Variants in ZFPM1 observed in about 807,000 individuals in gnomAD.
The protein encoded by ZFPM1 is zinc finger protein ZFPM1.
A neutral mutation model predicts 46.3 loss-of-function variants in ZFPM1; 28 were observed. The observed-to-expected ratio is 0.60, with a 90% CI of 0.45 to 0.83. The LOEUF (loss-of-function observed/expected upper bound fraction) is 0.83. ZFPM1 is among the 40% of genes least tolerant of loss of function. The pLI, the probability that ZFPM1 is intolerant of heterozygous loss-of-function variation, is 0.00. For synonymous variants in ZFPM1, 957 were observed against 675.9 expected (o/e 1.42, Z -6.45); for missense variants, 1,878 against 1,432.4 (o/e 1.31, Z -5.02).
intron 2 of ZFPM1, among the ~76,000 whole-genome samples, 154 bp downstream of exon 2, chr16:88,486,197 C>T (rs1049920360): frequency 1.1e-4 from 17 of 152,200 alleles, no homozygotes; most frequent in East Asian, 3.9e-4. Context: ...GCCTGTTGCC[C>T]GGAGGCCCTC....
chr16:88,461,183 C>CGGGAGGCCTGGTGAGGACCCAGGGAT (rs1907856948), intron 1 of ZFPM1, among the ~76,000 whole-genome samples: 1 of 34,724 alleles, frequency 2.9e-5, no homozygotes, highest in Non-Finnish European at 4.9e-5. Context: ...GACCGAGGGG[C>CGGGAGGCCTGGTGAGGACCCAGGGAT]GGGGCGGGAG....
chr16:88,467,370 C>G (rs1303690154), intron 1 of ZFPM1, among the ~76,000 whole-genome samples: 1 of 152,220 alleles, frequency 6.6e-6, no homozygotes, highest in Non-Finnish European at 1.5e-5. Flanking sequence ...GCTAAGCCTG[C>G]CCTGCAGGCC....
Position 88,526,893 on chromosome 16 carries a change from C to G in ZFPM1, c.482C>G (p.Ala161Gly). ...TLPQALTEAE[A>G]NTEIHRKDDA... ...CCCCAGGCCCTGACTGAGGCCGAGG[C>G]CAACACAGAGATCCACAGGAAGGGT... The change falls in exon 5 of 10, where the codon GCC becomes GGC. Residue 161 changes from alanine to glycine, a missense_variant. Transcript: ENST00000319555. 1 of 1,578,810 alleles carries G rather than the reference C, an allele frequency of 6.3e-7. No homozygotes were observed. Among genetic ancestry groups the G allele is most frequent in the Non-Finnish European group, 8.6e-7 (1 of 1,162,444 alleles).
At chr16:88,490,427 G>A (rs967796585) in intron 3 of ZFPM1, among the ~76,000 whole-genome samples, 3 of 152,244 alleles carry the variant, frequency 2.0e-5, no homozygotes, top group African/African-American at 4.8e-5. Flanking sequence ...GCGCGCAAGC[G>A]GCCGTAATGA....
At chr16:88,485,157 G>T (rs1342363602) in intron 1 of ZFPM1, among the ~76,000 whole-genome samples, 1 of 152,208 alleles carries the variant, frequency 6.6e-6, no homozygotes, top group African/African-American at 2.4e-5. Flanking sequence ...CCAGGCGGAG[G>T]CCGTGGCGAC....
chr16:88,521,144 A>G (rs1353982287), intron 4 of ZFPM1, among the ~76,000 whole-genome samples: 1 of 151,464 alleles, frequency 6.6e-6, no homozygotes, highest in East Asian at 1.9e-4. Context: ...ATGGATGAAT[A>G]TATGGCCTGA....
chr16:88,474,726 G>A (rs1366875270), intron 1 of ZFPM1, among the ~76,000 whole-genome samples: 2 of 152,198 alleles, frequency 1.3e-5, no homozygotes, highest in Non-Finnish European at 1.5e-5. Flanking sequence ...AACACTGTCC[G>A]AGCCTCCGCG....
Position 88,480,272 on chromosome 16 carries a change from C to T in ZFPM1, c.41-5667C>T, listed in dbSNP as rs1908871907. Among the ~76,000 whole-genome samples, 1 of 152,144 alleles carries T rather than the reference C, an allele frequency of 6.6e-6. No individual in the cohort carries two copies. Among genetic ancestry groups the T allele is most frequent in the African/African-American group, 2.4e-5 (1 of 41,432 alleles). ...CTGTGGTGCTCACACTGGCATCTTC[C>T]ACTTTTTGGGGGATGGGGCTGGTCA... is the stretch of plus-strand genomic sequence containing the variant. On this transcript the variant is annotated intron_variant, in intron 1 of 9. Coordinates refer to ENST00000319555, the MANE Select transcript of ZFPM1 (RefSeq NM_153813.3). The surrounding 1 kb of genome is among the most constrained non-coding windows in gnomAD (Gnocchi z 4.9).
At chr16:88,515,609 G>A (rs1174325298) in intron 4 of ZFPM1, among the ~76,000 whole-genome samples, 2 of 152,244 alleles carry the variant, frequency 1.3e-5, no homozygotes, top group East Asian at 3.9e-4. Flanking sequence ...GGTCAGGAGT[G>A]GTGCTTGACA....
chr16:88,476,129 C>T (rs1308489444), intron 1 of ZFPM1, among the ~76,000 whole-genome samples: 12 of 152,126 alleles, frequency 7.9e-5, no homozygotes, highest in Non-Finnish European at 1.5e-4. Flanking sequence ...TTGCCATGGG[C>T]ACCTTCGGCC....
At position 88,533,814 on chromosome 16, in the gene ZFPM1, C is replaced by A. The variant is rs1405656461; in HGVS notation, c.1856C>A (p.Pro619His). ...APAARRPKAP[P>H]GPARAPPGQP... ...GCCGCGCGCAGGCCCAAGGCGCCCC[C>A]CGGCCCGGCCCGCGCGCCCCCCGGC... Residue 619 changes from proline to histidine, a missense_variant, in exon 10 of 10, where the codon CCC becomes CAC. By Grantham distance (77) the Pro-to-His change is moderately conservative (BLOSUM62 -2). Coordinates refer to ENST00000319555, the MANE Select transcript of ZFPM1 (RefSeq NM_153813.3). 12 of 1,036,422 alleles carry A rather than the reference C, an allele frequency of 1.2e-5. No individual in the cohort carries two copies. The highest frequency in any genetic ancestry group is 4.4e-5 in the South Asian group (1 of 22,578). The allele number at this position is 1,036,422 out of a possible 1,614,324, so 64.2% of individuals were successfully genotyped here. A position where few individuals can be genotyped will look rare whatever the true frequency, so the allele number is the denominator to read the frequency against.
chr16:88,534,199 C>T lies in ZFPM1; in HGVS notation c.2241C>T (p.Tyr747=), dbSNP rs902861502. 54 of 984,012 alleles carry T rather than the reference C, an allele frequency of 5.5e-5. No individual in the cohort carries two copies. In the African/African-American group the frequency reaches 8.7e-4, roughly 16 times the overall value. 61.0% of individuals were successfully genotyped at this position (984,012 alleles called of 1,614,324 possible). ...PVRTRRRRKL[Y]ELHAAGAPPP... ...GCACGCGCAGACGCCGCAAGCTCTA[C>T]GAGCTGCACGCGGCCGGCGCCCCGC... is the stretch of plus-strand genomic sequence containing the variant. The change falls in exon 10 of 10, where the codon TAC becomes TAT. Residue 747 remains tyrosine, a synonymous_variant. Transcript: ENST00000319555.
rs1908900471 is a variant in ZFPM1 at position 88,480,823 on chromosome 16, C to G, written c.41-5116C>G. Among the ~76,000 whole-genome samples the G allele has an allele frequency of 6.6e-6, 1 of 152,222 alleles. No homozygotes were observed. The highest frequency in any genetic ancestry group is 1.5e-5 in the Non-Finnish European group (1 of 68,042). On this transcript the variant is annotated intron_variant, in intron 1 of 9. Coordinates refer to ENST00000319555, the MANE Select transcript of ZFPM1 (RefSeq NM_153813.3). This position sits in a 1 kb window ranked among gnomAD's most constrained non-coding sequence, Gnocchi z 4.9. ...CCTGGGGCCCACAGTCTGGGGGATG[C>G]CCCCCTCTCCTCAGCGACTGGCTCC...
chr16:88,453,065 T>TA (rs1223627681), upstream of ZFPM1, among the ~76,000 whole-genome samples: 1 of 142,026 alleles, frequency 7.0e-6, no homozygotes, highest in Non-Finnish European at 1.5e-5. Context: ...GCCAGCGCCG[T>TA]AAAGAGCGAG....
rs1597250809 is a variant in ZFPM1 at position 88,495,719 on chromosome 16, A to G, written c.268+6566A>G. Among the ~76,000 whole-genome samples the G allele has an allele frequency of 1.3e-5, 2 of 152,274 alleles. 1 individual carries two copies. The highest frequency in any genetic ancestry group is 4.8e-5 in the African/African-American group (2 of 41,562). On this transcript the variant is annotated intron_variant, in intron 3 of 9. Transcript: ENST00000319555. ...CACCACTCTGTGTGTGTGAAGTAAC[A>G]TGAGGGAAGCCGGGGCTCTATGGCC...
At position 88,460,958 on chromosome 16, in the gene ZFPM1, C is replaced by T. The variant is rs1258958898; in HGVS notation, c.40+7280C>T. On this transcript the variant is annotated intron_variant, in intron 1 of 9. Coordinates refer to ENST00000319555, the MANE Select transcript of ZFPM1 (RefSeq NM_153813.3). Reference sequence around the variant, plus strand: ...GCCTGGTGATGACCGAGGGGCGGGGCGGGAGGCCTGGTGAGGACCGAGGGG... The same window carrying T: ...GCCTGGTGATGACCGAGGGGCGGGGTGGGAGGCCTGGTGAGGACCGAGGGG... 7.8e-4 allele frequency among the ~76,000 whole-genome samples: 6 copies of T among 7,698 alleles called. 2 individuals carry two copies. The highest frequency in any genetic ancestry group is 3.0e-3 in the African/African-American group (6 of 1,984). The allele number at this position is 7,698 out of a possible 152,430, so 5.1% of individuals were successfully genotyped here. A position where few individuals can be genotyped will look rare whatever the true frequency, so the allele number is the denominator to read the frequency against.
In ZFPM1 at chr16:88,497,131, A is replaced by C. The variant is rs1597251675; in HGVS notation, c.268+7978A>C. Among the ~76,000 whole-genome samples the C allele has an allele frequency of 6.6e-6, 1 of 151,932 alleles. No homozygotes were observed. The highest frequency in any genetic ancestry group is 2.1e-4 in the South Asian group (1 of 4,802). On this transcript the variant is annotated intron_variant, in intron 3 of 9. Transcript: ENST00000319555. The surrounding 1 kb of genome is among the most constrained non-coding windows in gnomAD (Gnocchi z 5.4). Reference sequence around the variant, plus strand: ...CACAAGTCGTGACTTTTCCATCCCCACTCCATCCTGGGCTCTGATGGCAGA... The same window carrying C: ...CACAAGTCGTGACTTTTCCATCCCCCCTCCATCCTGGGCTCTGATGGCAGA...
Position 88,534,581 on chromosome 16 carries a change from C to G in ZFPM1, c.2623C>G (p.Leu875Val). The part of the protein sequence containing the change: ...VRGDLLEHFR[L>V]AHGLLLGAPL... The stretch of plus-strand genomic sequence containing the variant: ...CGGGGACCTGCTGGAGCATTTCCGC[C>G]TGGCGCACGGCCTGCTGCTCGGCGC... Residue 875 changes from leucine to valine, a missense_variant, in exon 10 of 10, where the codon CTG (leucine) becomes GTG (valine). Leu to Val is a conservative substitution (Grantham distance 32). Transcript: ENST00000319555. 1.6e-6 allele frequency: 2 copies of G among 1,284,826 alleles called. No homozygotes were observed. The highest frequency in any genetic ancestry group is 2.0e-6 in the Non-Finnish European group (2 of 1,014,706). 79.6% of individuals were successfully genotyped at this position (1,284,826 alleles called of 1,614,324 possible).
At chr16:88,455,204 C>T (rs1907489981) in intron 1 of ZFPM1, among the ~76,000 whole-genome samples, 1 of 151,296 alleles carries the variant, frequency 6.6e-6, no homozygotes. Context: ...ATGCAGATAG[C>T]TCGGACAGGG....
Sources: allele counts gnomAD v4.1 joint callset (sites outside exome capture counted in the v4.1 genomes callset), GRCh38; gene constraint gnomAD v4.1.1; non-coding constraint Gnocchi (gnomAD v3.1); transcripts MANE v1.5; gene names NCBI Gene and HGNC (gene_info 2026-07-23, HGNC 2026-07-21).